The following IQUB variants were observed in gnomAD, a reference collection of about 807,000 sequenced individuals.
IQUB encodes the protein IQ motif and ubiquitin-like domain-containing protein.
IQUB carries 86 observed loss-of-function variants against 86.4 expected under a neutral mutation model. The ratio of observed to expected loss-of-function variants is 1.00; its 90% CI spans 0.84 to 1.19. The LOEUF is 1.19. Ranked by LOEUF, IQUB falls within the 50% of genes most tolerant of loss-of-function variation. The pLI is 0.00. For synonymous variants in IQUB, 289 were observed against 304.5 expected (o/e 0.95, Z 0.53); for missense variants, 946 against 916.9 (o/e 1.03, Z -0.41).
rs1445367967 is a variant in IQUB at position 123,526,644 on chromosome 7, CTT to C, written c.-5+7846_-5+7847del. ...TACAGCACACTGATGGGTCTTGACT[CTT>C]TATCCAATTTGCCAGTCTGTGTCTT... is the stretch of plus-strand genomic sequence containing the variant. On this transcript the variant is annotated intron_variant, in intron 1 of 12. Transcript: ENST00000324698. 2.0e-5 allele frequency among the ~76,000 whole-genome samples: 3 copies of C among 151,264 alleles called. 1 individual carries two copies. The highest frequency in any genetic ancestry group is 1.3e-4 in the Admixed American group (2 of 15,170).
intron 1 of IQUB, among the ~76,000 whole-genome samples, chr7:123,515,102 A>G (rs1260689562): frequency 6.6e-6 from 1 of 152,174 alleles, no homozygotes; most frequent in African/African-American, 2.4e-5. Flanking sequence ...ACAAAAAACA[A>G]AAAACAAACA....
intron 7 of IQUB, among the ~76,000 whole-genome samples, chr7:123,494,674 T>C (rs1420569364): frequency 2.0e-5 from 3 of 152,126 alleles, no homozygotes; most frequent in East Asian, 1.9e-4. Context: ...TCATTTGCCA[T>C]AGAACAATAG....
intron 1 of IQUB, among the ~76,000 whole-genome samples, chr7:123,523,070 A>G (rs980706074): frequency 2.5e-4 from 37 of 150,954 alleles, no homozygotes; most frequent in Middle Eastern, 3.4e-3. Context: ...TCCATGGTGT[A>G]TATGTGCCAC....
Position 123,509,932 on chromosome 7 carries a change from G to C in IQUB, c.501C>G (p.Ile167Met). The part of the protein sequence containing the change: ...LKDHFSHLLG[I>M]PHSVLQIRYS... ...ATCTTATCTGCAGTACAGAATGTGG[G>C]ATACCTAATAAGTGTGAAAAATGGT... The change falls in exon 3 of 13, where the codon ATC (isoleucine) becomes ATG (methionine). Residue 167 changes from isoleucine to methionine, a missense_variant. By Grantham distance (10) the Ile-to-Met change is conservative. Transcript: ENST00000324698. The C allele has an allele frequency of 6.2e-7, 1 of 1,609,224 alleles. No individual in the cohort carries two copies. The highest frequency in any genetic ancestry group is 8.5e-7 in the Non-Finnish European group (1 of 1,177,806).
intron 1 of IQUB, chr7:123,532,680 G>T (rs555898193): frequency 6.6e-6 from 1 of 152,230 alleles, no homozygotes; most frequent in South Asian, 2.1e-4. Flanking sequence ...AGCAAGGTGC[G>T]GGACGGCGTG....
intron 7 of IQUB, among the ~76,000 whole-genome samples, chr7:123,490,721 T>G (rs1451082868): frequency 6.6e-6 from 1 of 152,066 alleles, no homozygotes; most frequent in Non-Finnish European, 1.5e-5. Context: ...TCTCAGCACT[T>G]TGGAAGGCAG....
chr7:123,514,220 A>T (rs1562870477), intron 1 of IQUB, among the ~76,000 whole-genome samples: 1 of 152,206 alleles, frequency 6.6e-6, no homozygotes, highest in African/African-American at 2.4e-5. Context: ...CTGCAGACTT[A>T]TCAGAAAAAT....
At position 123,457,468 on chromosome 7, in the gene IQUB, A is replaced by T; in HGVS notation, c.2106T>A (p.Asn702Lys). The change falls in exon 12 of 13, where the codon AAT (asparagine) becomes AAA (lysine). Residue 702 changes from asparagine (N) to lysine (K), a missense_variant. Asn to Lys is a moderately conservative substitution (Grantham distance 94, BLOSUM62 0). Transcript: ENST00000324698. ...TCCAGGGGGACCACTCCAGGGATTT[A>T]TTCCATCTGACCATGACCAGATCAC... ...NLSDLVMVRW[N>K]KSLEWSPWNC... 6.2e-7 allele frequency: 1 copy of T among 1,611,968 alleles called. No homozygotes were observed. Among genetic ancestry groups the T allele is most frequent in the Non-Finnish European group, 8.5e-7 (1 of 1,178,986 alleles).
At chr7:123,528,329 T>A (rs966776240) in intron 1 of IQUB, among the ~76,000 whole-genome samples, 1 of 152,228 alleles carries the variant, frequency 6.6e-6, no homozygotes, top group African/African-American at 2.4e-5. Flanking sequence ...TTTGGACATC[T>A]TGACTCCTCC....
In IQUB at chr7:123,531,685, T is replaced by C. The variant is rs557634836; in HGVS notation, c.-5+2807A>G. Among the ~76,000 whole-genome samples, 4 of 152,350 alleles carry C rather than the reference T, an allele frequency of 2.6e-5. No individual in the cohort carries two copies. In the South Asian group the frequency reaches 6.2e-4, roughly 24 times the overall value. ...ATTTTGATAAATTTCAAATTAATGA[T>C]AAAAATGTATTAACCTGCTGGTCAA... is the stretch of plus-strand genomic sequence containing the variant. On this transcript the variant is annotated intron_variant, in intron 1 of 12. Coordinates refer to ENST00000324698, the MANE Select transcript of IQUB (RefSeq NM_178827.5).
intron 7 of IQUB, among the ~76,000 whole-genome samples, chr7:123,494,272 A>C (rs1378327848): frequency 6.6e-6 from 1 of 152,108 alleles, no homozygotes; most frequent in Non-Finnish European, 1.5e-5. Flanking sequence ...TTATTTTCTT[A>C]AATTAATATC....
intron 1 of IQUB, among the ~76,000 whole-genome samples, chr7:123,533,472 ATGT>A (rs1320727683): frequency 6.6e-6 from 1 of 152,112 alleles, no homozygotes; most frequent in Non-Finnish European, 1.5e-5. Context: ...TGTATGTTTG[ATGT>A]TGTTTTTCTC....
chr7:123,454,906 C>A (rs1382108285), intron 12 of IQUB, among the ~76,000 whole-genome samples: 1 of 152,018 alleles, frequency 6.6e-6, no homozygotes, highest in Non-Finnish European at 1.5e-5. Context: ...TAGTGTTTGT[C>A]AAGTTTCTCT....
At chr7:123,472,807 A>G (rs1436161587) in intron 8 of IQUB, among the ~76,000 whole-genome samples, 1 of 152,226 alleles carries the variant, frequency 6.6e-6, no homozygotes, top group African/African-American at 2.4e-5. Flanking sequence ...CTGACGCAGG[A>G]AAAATGTCAA....
chr7:123,464,897 G>T lies in IQUB; in HGVS notation c.1694C>A (p.Ala565Glu). ...HNLEGLRKRI[A>E]TLFFHYIKTP... Reference sequence around the variant, plus strand: ...TTTGATATAATGAAAAAAGAGTGTCGCAATTCTTTTTCTGAGTCCTTCAAG... The same window carrying T: ...TTTGATATAATGAAAAAAGAGTGTCTCAATTCTTTTTCTGAGTCCTTCAAG... The change falls in exon 10 of 13, where the codon GCG becomes GAG. Residue 565 changes from alanine (A) to glutamate (E), a missense_variant. Coordinates refer to ENST00000324698, the MANE Select transcript of IQUB (RefSeq NM_178827.5). 6.2e-7 allele frequency: 1 copy of T among 1,606,240 alleles called. No individual in the cohort carries two copies. Among genetic ancestry groups the T allele is most frequent in the African/African-American group, 1.3e-5 (1 of 74,532 alleles).
chr7:123,513,315 A>G (rs1446364403), intron 1 of IQUB, among the ~76,000 whole-genome samples: 3 of 152,244 alleles, frequency 2.0e-5, no homozygotes, highest in Admixed American at 2.0e-4. Flanking sequence ...GAGAGAGTTG[A>G]AGAGAGAATT....
chr7:123,517,971 A>C (rs1293141445), intron 1 of IQUB, among the ~76,000 whole-genome samples: 3 of 152,206 alleles, frequency 2.0e-5, no homozygotes, highest in Non-Finnish European at 4.4e-5. Context: ...TCTGTCTAAT[A>C]AGGTTGAAAA....
chr7:123,517,245 A>G (rs1456623068), intron 1 of IQUB, among the ~76,000 whole-genome samples: 1 of 151,968 alleles, frequency 6.6e-6, no homozygotes, highest in African/African-American at 2.4e-5. Context: ...AAGAGACCCT[A>G]TATCGGCAGG....
chr7:123,489,071 C>T (rs751163172), intron 7 of IQUB, among the ~76,000 whole-genome samples: 3 of 152,002 alleles, frequency 2.0e-5, no homozygotes, highest in Non-Finnish European at 4.4e-5. Flanking sequence ...ATAACAGGCA[C>T]AATTTATATA....
Sources: gnomAD v4.1 joint callset for allele counts (sites outside exome capture counted in the v4.1 genomes callset) on GRCh38, gnomAD v4.1.1 for gene constraint, MANE v1.5 for transcripts, NCBI Gene and HGNC (gene_info 2026-07-23, HGNC 2026-07-21) for gene names.